The following RUVBL1 variants were observed in gnomAD, a reference collection of about 807,000 sequenced individuals.
The protein encoded by RUVBL1 is RuvB like AAA ATPase 1, also known as ruvB-like 1.
RUVBL1 carries 4 observed loss-of-function variants against 52.4 expected under a neutral mutation model. The observed-to-expected ratio is 0.08, with a 90% CI of 0.04 to 0.17. The LOEUF is 0.17. Among genes scored for constraint, RUVBL1 ranks in the 10% least tolerant of loss-of-function variants. The pLI, the probability that RUVBL1 is intolerant of heterozygous loss-of-function variation, is 1.00. For missense variants in RUVBL1, 298 were observed against 572.8 expected (o/e 0.52, Z 4.90); for synonymous variants, 217 against 214.4 (o/e 1.01, Z -0.10).
At chr3:128,142,328 T>C (rs1345073049) in intron 1 of RUVBL1, among the ~76,000 whole-genome samples, 1 of 152,172 alleles carries the variant, frequency 6.6e-6, no homozygotes, top group African/African-American at 2.4e-5. Context: ...CATTGAGGTC[T>C]CTTCTGGTGA....
At chr3:128,140,952 G>C (rs1419755277) in intron 1 of RUVBL1, among the ~76,000 whole-genome samples, 1 of 152,086 alleles carries the variant, frequency 6.6e-6, no homozygotes, top group African/African-American at 2.4e-5. Context: ...AGTATCCCTG[G>C]CATTAAGGGA....
chr3:128,137,996 ACT>A (rs1559835867), intron 1 of RUVBL1, among the ~76,000 whole-genome samples: 2 of 152,038 alleles, frequency 1.3e-5, no homozygotes, highest in African/African-American at 2.4e-5. Context: ...TCAATATCCT[ACT>A]ATAGTAAAAG....
intron 4 of RUVBL1, 149 bp from the exon 5 acceptor site, chr3:128,101,797 G>A (rs995908217): frequency 4.1e-6 from 3 of 734,608 alleles, no homozygotes; most frequent in Non-Finnish European, 7.0e-6. Context: ...GGGACCTGCA[G>A]GAGTGTGAAT....
At chr3:128,097,038 C>T (rs1942996718) in intron 8 of RUVBL1, among the ~76,000 whole-genome samples, 1 of 152,186 alleles carries the variant, frequency 6.6e-6, no homozygotes, top group South Asian at 2.1e-4. Context: ...CACCTTTGTA[C>T]ACTCCAATTG....
upstream of RUVBL1, among the ~76,000 whole-genome samples, chr3:128,125,924 A>C (rs931934255): frequency 2.6e-5 from 4 of 152,234 alleles, no homozygotes; most frequent in Non-Finnish European, 5.9e-5. Context: ...GTATTGTCCA[A>C]TTAAGGAAAA....
intron 3 of RUVBL1, among the ~76,000 whole-genome samples, chr3:128,107,251 G>C (rs557804811): frequency 6.6e-6 from 1 of 152,282 alleles, no homozygotes; most frequent in Non-Finnish European, 1.5e-5. Context: ...CCAAATCCTA[G>C]GGGATGGGCC....
At chr3:128,151,811 G>A (rs1944221362) in intron 1 of RUVBL1, among the ~76,000 whole-genome samples, 1 of 152,278 alleles carries the variant, frequency 6.6e-6, no homozygotes, top group East Asian at 1.9e-4. Flanking sequence ...GGAGAGTGGT[G>A]GAACGAAGGA....
intron 9 of RUVBL1, among the ~76,000 whole-genome samples, chr3:128,074,740 G>T (rs944837806): frequency 5.9e-5 from 9 of 151,286 alleles, no homozygotes; most frequent in African/African-American, 2.2e-4. Flanking sequence ...TACTTGGGAG[G>T]CTGAGGCAGG....
In RUVBL1 at chr3:128,099,480, T is replaced by C. The variant is rs80347011; in HGVS notation, c.754-535A>G. 4.0e-3 allele frequency among the ~76,000 whole-genome samples: 603 copies of C among 152,328 alleles called. 2 individuals carry two copies. The highest frequency in any genetic ancestry group is 0.02 in the Middle Eastern group (6 of 294). On this transcript the variant is annotated intron_variant, in intron 6 of 10. Transcript: ENST00000322623. ...CAAGTATAAATATACCATGATTATATTGCTGTGCCTCCTCTCACTAGATTT... is the reference window on the plus strand; with the variant it reads ...CAAGTATAAATATACCATGATTATACTGCTGTGCCTCCTCTCACTAGATTT...
intron 1 of RUVBL1, among the ~76,000 whole-genome samples, chr3:128,119,871 C>A (rs1576475216): frequency 6.6e-6 from 1 of 152,092 alleles, no homozygotes; most frequent in Non-Finnish European, 1.5e-5. Flanking sequence ...CAAAGTATAG[C>A]GAAAAAGACC....
intron 1 of RUVBL1, among the ~76,000 whole-genome samples, chr3:128,146,210 AGGG>A (rs1264074677): frequency 8.5e-5 from 13 of 152,160 alleles, no homozygotes; most frequent in Non-Finnish European, 1.3e-4. Context: ...AGTAACAGCA[AGGG>A]GGCCAGTGTG....
Position 128,067,646 on chromosome 3 carries a change from G to C in RUVBL1, c.940-2426C>G. 2 of 1,540,514 alleles carry C rather than the reference G, an allele frequency of 1.3e-6. No homozygotes were observed. Among genetic ancestry groups the C allele is most frequent in the Non-Finnish European group, 1.8e-6 (2 of 1,122,198 alleles). On this transcript the variant is annotated intron_variant, in intron 9 of 9. Coordinates refer to the RUVBL1 transcript ENST00000464873. This position sits in a 1 kb window ranked among gnomAD's most constrained non-coding sequence, Gnocchi z 4.1. ...AAGCAAAACTTTCTGGAAGGGTGATGAAAGTGTGACTGGTATAAGGGGTGT... is the reference window on the plus strand; with the variant it reads ...AAGCAAAACTTTCTGGAAGGGTGATCAAAGTGTGACTGGTATAAGGGGTGT...
In RUVBL1 at chr3:128,145,879, C is replaced by A. The variant is rs72970141; in HGVS notation, c.-40+7324G>T. Reference sequence around the variant, plus strand: ...GTAAAATGTCTTTCTGTCTTCCCTCCAGCCAACCTGTTCCCCTCCCTGGAG... The same window carrying A: ...GTAAAATGTCTTTCTGTCTTCCCTCAAGCCAACCTGTTCCCCTCCCTGGAG... On this transcript the variant is annotated intron_variant, in intron 1 of 9. Transcript: ENST00000464873. Among the ~76,000 whole-genome samples the A allele has an allele frequency of 6.5e-3, 996 of 152,284 alleles. 10 individuals are homozygous for A. Among genetic ancestry groups the A allele is most frequent in the African/African-American group, 0.022 (900 of 41,546 alleles).
At chr3:128,107,960 CA>C (rs1943287111) in intron 3 of RUVBL1, among the ~76,000 whole-genome samples, 1 of 152,204 alleles carries the variant, frequency 6.6e-6, no homozygotes, top group Non-Finnish European at 1.5e-5. Flanking sequence ...CACTAGCCCC[CA>C]CATTTGTTTA....
At chr3:128,066,091 A>G (rs370838834) in intron 9 of RUVBL1, among the ~76,000 whole-genome samples, 2 of 152,074 alleles carry the variant, frequency 1.3e-5, no homozygotes, top group East Asian at 1.9e-4. Flanking sequence ...TGTTCTAGGT[A>G]CTGGGAGCTC....
chr3:128,136,170 C>CA (rs1943944577), intron 1 of RUVBL1, among the ~76,000 whole-genome samples: 1 of 134,780 alleles, frequency 7.4e-6, no homozygotes, highest in African/African-American at 2.8e-5. Context: ...ATCACCATCA[C>CA]AAAAAGGAAA....
intron 9 of RUVBL1, among the ~76,000 whole-genome samples, chr3:128,075,437 G>A (rs1942286285): frequency 6.6e-6 from 1 of 152,160 alleles, no homozygotes. Context: ...CACGGTACAC[G>A]CCTTTGGCAA....
At position 128,130,084 on chromosome 3, in the gene RUVBL1, CA is replaced by C. The variant is rs201106394; in HGVS notation, c.-39-10671del. Among the ~76,000 whole-genome samples, 701 of 151,850 alleles carry C rather than the reference CA, an allele frequency of 4.6e-3. 4 individuals are homozygous for C. The highest frequency in any genetic ancestry group is 0.015 in the African/African-American group (619 of 41,410). On this transcript the variant is annotated intron_variant, in intron 1 of 9. Transcript: ENST00000464873. ...GAGACAAAATAGAGAAACAGAAAAACAGAGAAAATAAAAAAACTAAAAGTTG... is the reference window on the plus strand; with the variant it reads ...GAGACAAAATAGAGAAACAGAAAAACGAGAAAATAAAAAAACTAAAAGTTG...
At chr3:128,065,292 C>T (rs1054490066) in intron 9 of RUVBL1, 13 of 600,618 alleles carry the variant, frequency 2.2e-5, no homozygotes, top group Middle Eastern at 5.2e-4. Context: ...TTGGGCCTAT[C>T]GACAGGTAAG....
Sources: allele counts gnomAD v4.1 joint callset (sites outside exome capture counted in the v4.1 genomes callset), GRCh38; gene constraint gnomAD v4.1.1; non-coding constraint Gnocchi (gnomAD v3.1); transcripts MANE v1.5; gene names NCBI Gene and HGNC (gene_info 2026-07-23, HGNC 2026-07-21).